Variants in CYP4F22 observed in about 807,000 individuals in gnomAD.
The protein encoded by CYP4F22 is ultra-long-chain fatty acid omega-hydroxylase.
A neutral mutation model predicts 60.4 loss-of-function variants in CYP4F22; 37 were observed. That is an observed-to-expected ratio of 0.61 (90% confidence interval 0.47 to 0.81). CYP4F22 has a LOEUF of 0.81. Ranked by LOEUF, CYP4F22 falls within the 30% of genes least tolerant of loss-of-function variation. The pLI, the probability that CYP4F22 is intolerant of heterozygous loss-of-function variation, is 0.00. For synonymous variants in CYP4F22, 258 were observed against 280.5 expected (o/e 0.92, Z 0.80); for missense variants, 655 against 715.0 (o/e 0.92, Z 0.96).
intron 11 of CYP4F22, 148 bp from the exon 12 acceptor site, chr19:15,548,990 C>G (rs569280663): frequency 1.2e-6 from 1 of 805,554 alleles, no homozygotes. Context: ...GTGGATGGGG[C>G]AGCAGAATTT....
At chr19:15,524,426 G>A (rs1230112348) in intron 2 of CYP4F22, among the ~76,000 whole-genome samples, 1 of 152,156 alleles carries the variant, frequency 6.6e-6, no homozygotes, top group Admixed American at 6.5e-5. Flanking sequence ...AAGGCGGGAG[G>A]ATCGCTTGAG....
In CYP4F22 at chr19:15,548,002, AGTGTGTGTGTGTGTGT is replaced by A. The variant is rs1162465828; in HGVS notation, c.1137-73_1137-58del. ...GAGAGAGAGAGAGAGAGAGGGAGAG[AGTGTGTGTGTGTGTGT>A]GTGTGTGTGTGTGTGTGTGTGTGTG... On this transcript the variant is annotated intron_variant, in intron 10 of 13. Coordinates refer to ENST00000269703, the MANE Select transcript of CYP4F22 (RefSeq NM_173483.4). 95 of 367,232 alleles carry A rather than the reference AGTGTGTGTGTGTGTGT, an allele frequency of 2.6e-4. 1 individual carries two copies. The highest frequency in any genetic ancestry group is 9.6e-4 in the Middle Eastern group (1 of 1,044). 22.7% of individuals were successfully genotyped at this position (367,232 alleles called of 1,614,324 possible). A position where few individuals can be genotyped will look rare whatever the true frequency, so the allele number is the denominator to read the frequency against.
chr19:15,525,959 C>T lies in CYP4F22; in HGVS notation c.222+401C>T, dbSNP rs151108539. Among the ~76,000 whole-genome samples, 1,112 of 151,588 alleles carry T rather than the reference C, an allele frequency of 7.3e-3. 14 individuals carry two copies. Among genetic ancestry groups the T allele is most frequent in the Non-Finnish European group, 7.1e-3 (483 of 67,866 alleles). Reference sequence around the variant, plus strand: ...GGAGGATTACTTGAGCTTAGGAGTTCGAGACCAGCCTGGGAAACACAGTGA... The same window carrying T: ...GGAGGATTACTTGAGCTTAGGAGTTTGAGACCAGCCTGGGAAACACAGTGA... On this transcript the variant is annotated intron_variant, in intron 3 of 13. Coordinates refer to ENST00000269703, the MANE Select transcript of CYP4F22 (RefSeq NM_173483.4).
intron 1 of CYP4F22, among the ~76,000 whole-genome samples, chr19:15,523,007 G>A (rs570501629): frequency 4.0e-5 from 6 of 151,268 alleles, no homozygotes; most frequent in South Asian, 2.1e-4. Context: ...CACTGCACCC[G>A]GCCAACAAAT....
At chr19:15,520,358 A>C (rs1380723824) in intron 1 of CYP4F22, among the ~76,000 whole-genome samples, 7 of 149,822 alleles carry the variant, frequency 4.7e-5, no homozygotes, top group Admixed American at 3.3e-4. Context: ...AAAAAAAAAA[A>C]AAACAAAAAC....
intron 7 of CYP4F22, among the ~76,000 whole-genome samples, chr19:15,539,605 T>C (rs187095947): frequency 7.4e-4 from 112 of 152,346 alleles, no homozygotes; most frequent in African/African-American, 2.6e-3. Context: ...TTTGAGGAAC[T>C]GCTAAACTTT....
chr19:15,551,784 G>C lies in CYP4F22; in HGVS notation c.*313G>C. Reference sequence around the variant, plus strand: ...TCAGGCCCCGCCCCCAGGATCCTACGGATTGAGGTCCTCAGGCCACGCCCC... The same window carrying C: ...TCAGGCCCCGCCCCCAGGATCCTACCGATTGAGGTCCTCAGGCCACGCCCC... On this transcript the variant is annotated 3_prime_UTR_variant, in exon 14 of 14. Coordinates refer to ENST00000269703, the MANE Select transcript of CYP4F22 (RefSeq NM_173483.4). 2.1e-6 allele frequency: 1 copy of C among 474,918 alleles called. No homozygotes were observed. Among genetic ancestry groups the C allele is most frequent in the Non-Finnish European group, 3.8e-6 (1 of 261,966 alleles). 29.4% of individuals were successfully genotyped at this position (474,918 alleles called of 1,614,324 possible). A position where few individuals can be genotyped will look rare whatever the true frequency, so the allele number is the denominator to read the frequency against.
At position 15,537,882 on chromosome 19, in the gene CYP4F22, G is replaced by A. The variant is rs368781436; in HGVS notation, c.560G>A (p.Arg187Gln). ...GTATCTCTCTTCCAGGCTAAATGGC[G>A]GCATCTGGCAGAGGGCTCAGCGGTC... Reference protein sequence around the residue: ...QSADIMHAKWRHLAEGSAVSL... With the variant: ...QSADIMHAKWQHLAEGSAVSL... The change falls in exon 7 of 14, where the codon CGG (arginine) becomes CAG (glutamine). Residue 187 changes from arginine to glutamine, a missense_variant. Transcript: ENST00000269703. 3.2e-5 allele frequency: 51 copies of A among 1,613,762 alleles called. No individual in the cohort carries two copies. Among genetic ancestry groups the A allele is most frequent in the African/African-American group, 1.5e-4 (11 of 74,904 alleles).
In CYP4F22 at chr19:15,547,996, GGA is replaced by G. The variant is rs1239429207; in HGVS notation, c.1137-106_1137-105del. ...GAGAGAGAGAGAGAGAGAGAGAGAGGGAGAGAGTGTGTGTGTGTGTGTGTGTG... is the reference window on the plus strand; with the variant it reads ...GAGAGAGAGAGAGAGAGAGAGAGAGGGAGAGTGTGTGTGTGTGTGTGTGTG... On this transcript the variant is annotated intron_variant, in intron 10 of 13. Transcript: ENST00000269703. The G allele has an allele frequency of 7.9e-4, 95 of 120,324 alleles. 7 individuals carry two copies. In the Admixed American group the frequency reaches 0.01, roughly 13 times the overall value. 7.5% of individuals were successfully genotyped at this position (120,324 alleles called of 1,614,324 possible).
At chr19:15,534,741 A>G (rs1158190138) in intron 4 of CYP4F22, among the ~76,000 whole-genome samples, 1 of 152,080 alleles carries the variant, frequency 6.6e-6, no homozygotes, top group Non-Finnish European at 1.5e-5. Context: ...TTCAGCTGAG[A>G]AGGGGGTTTG....
chr19:15,514,832 A>G (rs142147047), intron 1 of CYP4F22, among the ~76,000 whole-genome samples: 1 of 152,276 alleles, frequency 6.6e-6, no homozygotes, highest in Non-Finnish European at 1.5e-5. Context: ...GCACTGCAGG[A>G]AGTGGTGGGG....
chr19:15,519,613 C>T (rs1307929730), intron 1 of CYP4F22, among the ~76,000 whole-genome samples: 1 of 151,874 alleles, frequency 6.6e-6, no homozygotes, highest in Non-Finnish European at 1.5e-5. Flanking sequence ...GGAGTGAGTT[C>T]CTGAAGGGCT....
chr19:15,529,847 G>T lies in CYP4F22; in HGVS notation c.361G>T (p.Ala121Ser). The T allele has an allele frequency of 5.6e-6, 9 of 1,614,080 alleles. No homozygotes were observed. Among genetic ancestry groups the T allele is most frequent in the Non-Finnish European group, 7.6e-6 (9 of 1,180,040 alleles). ...HPDYIKPLLGASAAIAPKDDL... is the reference protein window; with the variant it reads ...HPDYIKPLLGSSAAIAPKDDL... ...TGATTACATCAAACCCCTTTTGGGA[G>T]CCTCAGGTACGTGGGCTGGGCCTCC... is the stretch of plus-strand genomic sequence containing the variant. The change falls in exon 4 of 14, where the codon GCC becomes TCC. Residue 121 changes from alanine to serine, a missense_variant. Coordinates refer to ENST00000269703, the MANE Select transcript of CYP4F22 (RefSeq NM_173483.4).
Position 15,537,994 on chromosome 19 carries a change from G to A in CYP4F22, c.671+1G>A. 6.2e-7 allele frequency: 1 copy of A among 1,614,120 alleles called. No homozygotes were observed. The highest frequency in any genetic ancestry group is 1.1e-5 in the South Asian group (1 of 91,080). Reference sequence around the variant, plus strand: ...TCAGCTACAACAGCAACTGCCAAGAGTGAGTGTGACCCTTCTTGGGAAGAT... The same window carrying A: ...TCAGCTACAACAGCAACTGCCAAGAATGAGTGTGACCCTTCTTGGGAAGAT... On this transcript the variant is annotated splice_donor_variant, in intron 7 of 13. Transcript: ENST00000269703. LOFTEE classifies it high-confidence loss of function.
intron 4 of CYP4F22, among the ~76,000 whole-genome samples, chr19:15,532,996 A>G (rs1171485408): frequency 6.6e-6 from 1 of 152,154 alleles, no homozygotes; most frequent in Non-Finnish European, 1.5e-5. Flanking sequence ...GGCTCCAGTC[A>G]CAGACACCAC....
At chr19:15,522,147 G>GAAAA (rs5827288) in intron 1 of CYP4F22, among the ~76,000 whole-genome samples, 1 of 82,858 alleles carries the variant, frequency 1.2e-5, no homozygotes. Flanking sequence ...CTTTGTCTCA[G>GAAAA]AAAAAAAAAA....
intron 2 of CYP4F22, among the ~76,000 whole-genome samples, chr19:15,524,680 G>GAGAGAA (rs1555727642): frequency 6.7e-6 from 1 of 149,130 alleles, no homozygotes; most frequent in South Asian, 2.1e-4. Context: ...GAGAGAGAGA[G>GAGAGAA]AGAAAGAAAG....
At chr19:15,521,118 T>C (rs1442698694) in intron 1 of CYP4F22, among the ~76,000 whole-genome samples, 1 of 152,136 alleles carries the variant, frequency 6.6e-6, no homozygotes, top group African/African-American at 2.4e-5. Context: ...AACCCTGGTG[T>C]AGCATGTGTC....
chr19:15,544,134 C>G lies in CYP4F22; in HGVS notation c.1007-16C>G. ...CTTCAGGCAGCCTCCATTCAGATAC[C>G]CTCATCTCCCTGCAGGTCACGACAC... On this transcript the variant is annotated splice_polypyrimidine_tract_variant and intron_variant, in intron 9 of 13. Coordinates refer to ENST00000269703, the MANE Select transcript of CYP4F22 (RefSeq NM_173483.4). 1.2e-6 allele frequency: 2 copies of G among 1,614,128 alleles called. No individual in the cohort carries two copies. The highest frequency in any genetic ancestry group is 1.7e-6 in the Non-Finnish European group (2 of 1,180,032).
Sources: gnomAD v4.1 joint callset for allele counts (sites outside exome capture counted in the v4.1 genomes callset) on GRCh38, gnomAD v4.1.1 for gene constraint, MANE v1.5 for transcripts, NCBI Gene and HGNC (gene_info 2026-07-23, HGNC 2026-07-21) for gene names.